The following AK4 variants were observed in gnomAD, a reference collection of about 807,000 sequenced individuals.
AK4 encodes the protein adenylate kinase 4, mitochondrial.
Under a neutral mutation model 24.6 loss-of-function variants are expected in AK4, and 13 were observed. The observed-to-expected ratio is 0.53, with a 90% CI of 0.34 to 0.84. The LOEUF is 0.84. AK4 is among the 40% of genes least tolerant of loss of function. The probability of loss-of-function intolerance (pLI) is 0.01; values close to 1 mark genes in which losing one functional copy is unlikely to be tolerated. For missense variants in AK4, 192 were observed against 288.2 expected (o/e 0.67, Z 2.42); for synonymous variants, 88 against 107.0 (o/e 0.82, Z 1.10).
chr1:65,226,067 C>T lies in AK4; in HGVS notation c.562C>T (p.Arg188Ter), dbSNP rs1052357734. The change falls in exon 5 of 5, where the codon CGA becomes TGA. Residue 188 changes from arginine to a stop codon, truncating the protein, a stop_gained. Coordinates refer to ENST00000327299, the MANE Select transcript of AK4 (RefSeq NM_013410.4). LOFTEE classifies it high-confidence loss of function. ...ATGTTGGGCTTTGTTTTTCAGGAGC[C>T]GAGGAGTGCTCCACCAATTTTCCGG... is the stretch of plus-strand genomic sequence containing the variant. ...AKPVIELYKS[R>*]GVLHQFSGTE... The T allele has an allele frequency of 3.1e-6, 5 of 1,611,784 alleles. No individual in the cohort carries two copies. The highest frequency in any genetic ancestry group is 2.2e-5 in the South Asian group (2 of 90,922).
At chr1:65,164,368 T>A (rs893696145) in intron 1 of AK4, among the ~76,000 whole-genome samples, 1 of 152,134 alleles carries the variant, frequency 6.6e-6, no homozygotes, top group Non-Finnish European at 1.5e-5. Context: ...ACTCAAATAC[T>A]GAAGTATGGA....
At chr1:65,149,618 G>A (rs922826820) in intron 1 of AK4, among the ~76,000 whole-genome samples, 1 of 152,212 alleles carries the variant, frequency 6.6e-6, no homozygotes, top group African/African-American at 2.4e-5. Flanking sequence ...CATTTCAGAA[G>A]CACAGACTGG....
intron 1 of AK4, among the ~76,000 whole-genome samples, chr1:65,152,380 A>C (rs1473762015): frequency 6.8e-5 from 3 of 44,002 alleles, no homozygotes; most frequent in Admixed American, 4.0e-4. Flanking sequence ...ATATATATAT[A>C]TATATTTTTT....
At chr1:65,225,001 C>T (rs375913305) in intron 4 of AK4, 131 bp downstream of exon 4, 2 of 614,778 alleles carry the variant, frequency 3.3e-6, no homozygotes, top group South Asian at 2.2e-5. Flanking sequence ...CAAAACCTTC[C>T]CAGAAGTCAG....
chr1:65,214,220 C>T (rs1652054734), intron 2 of AK4, among the ~76,000 whole-genome samples: 1 of 152,172 alleles, frequency 6.6e-6, no homozygotes, highest in Non-Finnish European at 1.5e-5. Context: ...AAGTGATTCT[C>T]CTGCCTCAGC....
rs1461587397 is a variant in AK4, at chr1:65,231,427, C to T, written c.*5250C>T. The T allele has an allele frequency of 6.6e-6, 1 of 152,050 alleles. No individual in the cohort carries two copies. Among genetic ancestry groups the T allele is most frequent in the Non-Finnish European group, 1.5e-5 (1 of 68,024 alleles). 9.4% of individuals were successfully genotyped at this position (152,050 alleles called of 1,614,324 possible). A position where few individuals can be genotyped will look rare whatever the true frequency, so the allele number is the denominator to read the frequency against. On this transcript the variant is annotated 3_prime_UTR_variant, in exon 5 of 5. Transcript: ENST00000327299. ...CTCTTGTATGGCATAGATATGAATTCCTTCCTCTGGTAATAATTAGGTTAT... is the reference window on the plus strand; with the variant it reads ...CTCTTGTATGGCATAGATATGAATTTCTTCCTCTGGTAATAATTAGGTTAT...
chr1:65,200,405 G>A (rs556130634), intron 2 of AK4, among the ~76,000 whole-genome samples: 59 of 152,166 alleles, frequency 3.9e-4, no homozygotes, highest in African/African-American at 1.0e-3. Context: ...GTGAGCCACC[G>A]TGCCCGGTCT....
At chr1:65,211,101 C>T (rs959269568) in intron 2 of AK4, among the ~76,000 whole-genome samples, 1 of 151,482 alleles carries the variant, frequency 6.6e-6, no homozygotes, top group Non-Finnish European at 1.5e-5. Flanking sequence ...CTAAACCATG[C>T]TGTACTCTGC....
At chr1:65,196,437 G>T (rs1651474415) in intron 2 of AK4, among the ~76,000 whole-genome samples, 2 of 152,130 alleles carry the variant, frequency 1.3e-5, no homozygotes, top group African/African-American at 4.8e-5. Context: ...CCTTCACTGT[G>T]CTTTCCAGTT....
intron 1 of AK4, among the ~76,000 whole-genome samples, chr1:65,157,643 G>T (rs1239961033): frequency 6.6e-6 from 1 of 152,096 alleles, no homozygotes; most frequent in Non-Finnish European, 1.5e-5. Context: ...AAGAAAATTA[G>T]CTGGGTGTGG....
At chr1:65,166,200 T>C (rs928522703) in intron 1 of AK4, among the ~76,000 whole-genome samples, 4 of 152,178 alleles carry the variant, frequency 2.6e-5, no homozygotes, top group Admixed American at 2.6e-4. Flanking sequence ...GAGGCTTTTC[T>C]CTATTGTTTG....
At chr1:65,179,384 T>TG (rs1460541351) in intron 1 of AK4, among the ~76,000 whole-genome samples, 1 of 152,192 alleles carries the variant, frequency 6.6e-6, no homozygotes, top group Non-Finnish European at 1.5e-5. Flanking sequence ...GGGGCCAACT[T>TG]GCTTGAAGTT....
intron 2 of AK4, among the ~76,000 whole-genome samples, chr1:65,194,509 C>G (rs944906812): frequency 6.6e-6 from 1 of 152,106 alleles, no homozygotes; most frequent in African/African-American, 2.4e-5. Context: ...TCGCCCAGGC[C>G]AGAGTGCCAT....
intron 1 of AK4, among the ~76,000 whole-genome samples, chr1:65,190,136 G>C (rs891764571): frequency 6.6e-6 from 1 of 152,098 alleles, no homozygotes; most frequent in African/African-American, 2.4e-5. Context: ...GAATTATCCA[G>C]GGCTTCTCTT....
intron 1 of AK4, among the ~76,000 whole-genome samples, chr1:65,154,142 T>A (rs571441647): frequency 4.6e-5 from 7 of 152,218 alleles, no homozygotes; most frequent in African/African-American, 1.7e-4. Context: ...GAGACCAGTA[T>A]GGATGAGGAG....
chr1:65,192,806 A>G (rs1004756250), intron 2 of AK4, among the ~76,000 whole-genome samples: 2 of 152,206 alleles, frequency 1.3e-5, no homozygotes, highest in African/African-American at 2.4e-5. Context: ...GTGGTCACCG[A>G]TAAGTCCAAA....
In AK4 at chr1:65,166,271, T is replaced by C. The variant is rs568425555; in HGVS notation, c.145+17719T>C. Among the ~76,000 whole-genome samples the C allele has an allele frequency of 1.6e-3, 248 of 151,950 alleles. 1 individual carries two copies. The highest frequency in any genetic ancestry group is 5.8e-3 in the African/African-American group (242 of 41,476). ...CATTTATAATCTTCCTTAGTGAATG[T>C]GGTGCTTTGAATGGAAGCACAATCC... is the stretch of plus-strand genomic sequence containing the variant. On this transcript the variant is annotated intron_variant, in intron 1 of 4. Transcript: ENST00000327299.
At chr1:65,196,365 G>T (rs887763794) in intron 2 of AK4, among the ~76,000 whole-genome samples, 1 of 151,982 alleles carries the variant, frequency 6.6e-6, no homozygotes, top group Non-Finnish European at 1.5e-5. Flanking sequence ...GGGAGGGAGG[G>T]TGAGTGTTCT....
intron 2 of AK4, among the ~76,000 whole-genome samples, chr1:65,191,101 T>C (rs1453092733): frequency 6.6e-6 from 1 of 152,226 alleles, no homozygotes; most frequent in African/African-American, 2.4e-5. Context: ...CCGTAAGCCA[T>C]CCTGAGTATA....
Sources: allele counts gnomAD v4.1 joint callset (sites outside exome capture counted in the v4.1 genomes callset), GRCh38; gene constraint gnomAD v4.1.1; transcripts MANE v1.5; gene names NCBI Gene and HGNC (gene_info 2026-07-23, HGNC 2026-07-21).